Variants in IRGC observed in about 807,000 individuals in gnomAD.
IRGC encodes the protein immunity related GTPase cinema.
In IRGC, 4 loss-of-function variants were observed where a neutral mutation model predicts 16.1. That is an observed-to-expected ratio of 0.25 (90% CI 0.12 to 0.57). The LOEUF (loss-of-function observed/expected upper bound fraction) is 0.57, where lower values mean the gene tolerates loss of function less well. IRGC is among the 20% of genes least tolerant of loss of function. The pLI, the probability that IRGC is intolerant of heterozygous loss-of-function variation, is 0.92. For synonymous variants in IRGC, 307 were observed against 299.5 expected, an observed-to-expected ratio of 1.03 and a Z score of -0.26; for missense variants, 570 against 643.9, an observed-to-expected ratio of 0.89 and a Z score of 1.24.
At chr19:43,718,390 G>T in intron 1 of IRGC, 103 bp from the exon 2 acceptor site, 1 of 1,323,694 alleles carries the variant, frequency 7.6e-7, no homozygotes, top group Non-Finnish European at 9.8e-7. Flanking sequence ...GAAAAAGAGA[G>T]CTGTGGGCTT....
chr19:43,718,967 T>TTCCTGCTGG lies in IRGC; in HGVS notation c.412_420dup (p.Leu138_Val140dup), dbSNP rs780777892. The TTCCTGCTGG allele has an allele frequency of 3.1e-6, 5 of 1,610,260 alleles. No homozygotes were observed. The African/African-American group carries it at 5.3e-5, about 17-fold the overall frequency. ...GGTAGACTTCAGCCGCTATGACTTCTTCCTGCTGGTCTCCCCCCGCCGCTG... is the reference window on the plus strand; with the variant it reads ...GGTAGACTTCAGCCGCTATGACTTCTTCCTGCTGGTCCTGCTGGTCTCCCCCCGCCGCTG... On this transcript the variant is annotated inframe_insertion, in exon 2 of 2. Transcript: ENST00000244314.
In IRGC at chr19:43,719,109, G is replaced by A. The variant is rs2146336477; in HGVS notation, c.551G>A (p.Gly184Asp). 1 of 1,610,108 alleles carries A rather than the reference G, an allele frequency of 6.2e-7. No individual in the cohort carries two copies. Among genetic ancestry groups the A allele is most frequent in the East Asian group, 2.2e-5 (1 of 44,806 alleles). The change falls in exon 2 of 2, where the codon GGC becomes GAC. Residue 184 changes from glycine (G) to aspartate (D), a missense_variant. Coordinates refer to ENST00000244314, the MANE Select transcript of IRGC (RefSeq NM_019612.4). The part of the protein sequence containing the change: ...LAATRTQRPS[G>D]FREAAVLQEI... ...GCCACGCGCACCCAGCGGCCGTCGG[G>A]CTTCAGAGAGGCCGCTGTCCTGCAG...
intron 1 of IRGC, among the ~76,000 whole-genome samples, chr19:43,717,094 C>T (rs1029300040): frequency 2.0e-5 from 3 of 151,826 alleles, no homozygotes; most frequent in Admixed American, 1.3e-4. Flanking sequence ...AACTGAACCC[C>T]GGGAGGCAAG....
In IRGC at chr19:43,719,630, G is replaced by A. The variant is rs1326114728; in HGVS notation, c.1072G>A (p.Ala358Thr). The A allele has an allele frequency of 6.2e-7, 1 of 1,605,172 alleles. No individual in the cohort carries two copies. Among genetic ancestry groups the A allele is most frequent in the Middle Eastern group, 1.6e-4 (1 of 6,062 alleles). Residue 358 changes from alanine (A) to threonine (T), a missense_variant, in exon 2 of 2, where the codon GCC becomes ACC. By Grantham distance (58) the Ala-to-Thr change is moderately conservative. Transcript: ENST00000244314. The stretch of plus-strand genomic sequence containing the variant: ...GTCGTCCGACGGCGCCATGCGGGTG[G>A]CCCGCGCCTTTGAGAGGGGCATCCC... ...SQSSDGAMRV[A>T]RAFERGIPVF...
In IRGC at chr19:43,718,065, T is replaced by TCAAACAAA. The variant is rs111429395; in HGVS notation, c.-66-408_-66-401dup. ...GCCTCGATGACAGAGAGACCCTGTC[T>TCAAACAAA]CAAACAAACAAACAAACAAACAAAC... On this transcript the variant is annotated intron_variant, in intron 1 of 1. Transcript: ENST00000244314. 1.3e-3 allele frequency among the ~76,000 whole-genome samples: 197 copies of TCAAACAAA among 152,122 alleles called. 3 individuals carry two copies. Among genetic ancestry groups the TCAAACAAA allele is most frequent in the African/African-American group, 3.7e-3 (154 of 41,494 alleles).
Position 43,719,043 on chromosome 19 carries a change from A to T in IRGC, c.485A>T (p.Lys162Met). The stretch of plus-strand genomic sequence containing the variant: ...GCTGAGATCCTGTGCCAGGGCAAGA[A>T]GTTCTACTTTGTGCGCACCAAGGTG... ...LAAEILCQGK[K>M]FYFVRTKVDE... The change falls in exon 2 of 2, where the codon AAG becomes ATG. Residue 162 changes from lysine to methionine, a missense_variant. Lys to Met is a moderately conservative substitution (Grantham distance 95). Transcript: ENST00000244314. The T allele has an allele frequency of 6.2e-7, 1 of 1,612,802 alleles. No individual in the cohort carries two copies. Among genetic ancestry groups the T allele is most frequent in the Non-Finnish European group, 8.5e-7 (1 of 1,179,858 alleles).
chr19:43,718,452 C>G (rs1393121716), intron 1 of IRGC, 41 bp from the exon 2 acceptor site: 1 of 1,486,894 alleles, frequency 6.7e-7, no homozygotes. Context: ...TGCCCCATGC[C>G]AAGGCCCAGG....
At chr19:43,716,799 A>C (rs1968176313) in intron 1 of IRGC, among the ~76,000 whole-genome samples, 4 of 152,076 alleles carry the variant, frequency 2.6e-5, no homozygotes, top group Admixed American at 2.6e-4. Flanking sequence ...AGGTGGGTGA[A>C]GGAGCCTGGG....
rs777636018 is a variant in IRGC, at chr19:43,719,790, C to T, written c.1232C>T (p.Pro411Leu). The change falls in exon 2 of 2, where the codon CCG (proline) becomes CTG (leucine). Residue 411 changes from proline (P) to leucine (L), a missense_variant. Coordinates refer to ENST00000244314, the MANE Select transcript of IRGC (RefSeq NM_019612.4). The part of the protein sequence containing the change: ...IKALEDDEPQ[P>L]EVSLEVASDN... Reference sequence around the variant, plus strand: ...GCCCTGGAGGATGACGAGCCGCAGCCGGAGGTCAGCTTGGAAGTGGCCAGT... The same window carrying T: ...GCCCTGGAGGATGACGAGCCGCAGCTGGAGGTCAGCTTGGAAGTGGCCAGT... 8.1e-6 allele frequency: 13 copies of T among 1,613,794 alleles called. No homozygotes were observed. The highest frequency in any genetic ancestry group is 4.4e-5 in the South Asian group (4 of 91,060).
At chr19:43,717,165 T>C (rs974044596) in intron 1 of IRGC, among the ~76,000 whole-genome samples, 2 of 152,024 alleles carry the variant, frequency 1.3e-5, no homozygotes, top group Non-Finnish European at 2.9e-5. Flanking sequence ...GTGGTCCCCA[T>C]GTCTGGCTTC....
rs369104782 is a variant in IRGC at position 43,719,155 on chromosome 19, C to T, written c.597C>T (p.Ala199=). ...TGCAGGAGATCCGAGACCACTGTGCCGAGCGGCTGCGGGAGGCCGGCGTGG... is the reference window on the plus strand; with the variant it reads ...TGCAGGAGATCCGAGACCACTGTGCTGAGCGGCTGCGGGAGGCCGGCGTGG... ...AVLQEIRDHC[A]ERLREAGVAD... The change falls in exon 2 of 2, where the codon GCC becomes GCT. Residue 199 remains alanine (A), a synonymous_variant. Coordinates refer to ENST00000244314, the MANE Select transcript of IRGC (RefSeq NM_019612.4). 50 of 1,609,962 alleles carry T rather than the reference C, an allele frequency of 3.1e-5. No homozygotes were observed. The African/African-American group carries it at 4.7e-4, about 15-fold the overall frequency.
chr19:43,720,015 C>A lies in IRGC; in HGVS notation c.*65C>A. 2 of 1,559,338 alleles carry A rather than the reference C, an allele frequency of 1.3e-6. No homozygotes were observed. The highest frequency in any genetic ancestry group is 1.8e-5 in the Admixed American group (1 of 54,138). On this transcript the variant is annotated 3_prime_UTR_variant, in exon 2 of 2. Transcript: ENST00000244314. ...GTCTTAACAAAATCCAAATTACCAA[C>A]AAAAAAGGCCGATGTGGTGAATGTG...
Position 43,719,690 on chromosome 19 carries a change from T to C in IRGC, c.1132T>C (p.Phe378Leu). ...FGTLVAGGIS[F>L]GAVYTMLQGC... ...GACGCTGGTGGCTGGCGGCATCAGC[T>C]TTGGCGCTGTCTACACCATGCTCCA... The change falls in exon 2 of 2, where the codon TTT becomes CTT. Residue 378 changes from phenylalanine to leucine, a missense_variant. By Grantham distance (22) the Phe-to-Leu change is conservative (BLOSUM62 0). Coordinates refer to ENST00000244314, the MANE Select transcript of IRGC (RefSeq NM_019612.4). 7.4e-6 allele frequency: 12 copies of C among 1,611,804 alleles called. No individual in the cohort carries two copies. The highest frequency in any genetic ancestry group is 1.0e-5 in the Non-Finnish European group (12 of 1,179,856).
intron 1 of IRGC, among the ~76,000 whole-genome samples, chr19:43,716,364 T>G (rs1056426673): frequency 1.3e-5 from 2 of 151,238 alleles, no homozygotes; most frequent in Non-Finnish European, 3.0e-5. Flanking sequence ...TGTCTTTTTT[T>G]TTTCCTTTTT....
intron 1 of IRGC, among the ~76,000 whole-genome samples, chr19:43,716,350 A>T (rs562996356): frequency 1.3e-5 from 2 of 151,326 alleles, no homozygotes; most frequent in South Asian, 4.2e-4. Context: ...TCTGGAGGCA[A>T]CAATGTCTTT....
At chr19:43,717,897 C>T (rs1412531523) in intron 1 of IRGC, among the ~76,000 whole-genome samples, 2 of 152,082 alleles carry the variant, frequency 1.3e-5, no homozygotes, top group Admixed American at 6.6e-5. Context: ...GTGAGACTCC[C>T]ATCTCTACAA....
In IRGC at chr19:43,719,552, TC is replaced by T; in HGVS notation, c.998del (p.Pro333HisfsTer147). Reference protein sequence around the residue: ...QAGDLRSVIRSPLANEVSPET... With the variant: ...QAGDLRSVIRXPLANEVSPET... Reference sequence around the variant, plus strand: ...AGGTGACCTGCGCTCGGTCATCCGCTCCCCACTGGCCAACGAGGTCTCGCCT... The same window carrying T: ...AGGTGACCTGCGCTCGGTCATCCGCTCCCACTGGCCAACGAGGTCTCGCCT... On this transcript the variant is annotated frameshift_variant, in exon 2 of 2. Transcript: ENST00000244314. LOFTEE classifies it high-confidence loss of function. 6.2e-7 allele frequency: 1 copy of T among 1,602,470 alleles called. No individual in the cohort carries two copies.
chr19:43,718,001 C>A (rs1251587357), intron 1 of IRGC, among the ~76,000 whole-genome samples: 2 of 152,262 alleles, frequency 1.3e-5, no homozygotes, highest in East Asian at 1.9e-4. Context: ...CCAAGGAGAT[C>A]AAGGCTGCAA....
At chr19:43,716,355 G>GA (rs1968169458) in intron 1 of IRGC, among the ~76,000 whole-genome samples, 2 of 151,654 alleles carry the variant, frequency 1.3e-5, no homozygotes, top group South Asian at 4.2e-4. Context: ...AGGCAACAAT[G>GA]TCTTTTTTTT....
Sources: gnomAD v4.1 joint callset for allele counts (sites outside exome capture counted in the v4.1 genomes callset) on GRCh38, gnomAD v4.1.1 for gene constraint, MANE v1.5 for transcripts, NCBI Gene and HGNC (gene_info 2026-07-23, HGNC 2026-07-21) for gene names.